Variants in TSPEAR observed in about 807,000 individuals in gnomAD.
TSPEAR encodes the protein thrombospondin type laminin G domain and EAR repeats, also known as thrombospondin-type laminin G domain and EAR repeat-containing protein.
A neutral mutation model predicts 71.6 loss-of-function variants in TSPEAR; 69 were observed. The ratio of observed to expected loss-of-function variants is 0.96; its 90% CI spans 0.79 to 1.18. The LOEUF (loss-of-function observed/expected upper bound fraction) is 1.18, where lower values mean the gene tolerates loss of function less well. TSPEAR is among the 50% of genes most tolerant of loss of function. The pLI is 0.00. For synonymous variants in TSPEAR, 402 were observed against 387.2 expected, an observed-to-expected ratio of 1.04 and a Z score of -0.45; for missense variants, 971 against 894.9, an observed-to-expected ratio of 1.09 and a Z score of -1.09.
At chr21:44,581,440 T>G (rs1978964354) in intron 1 of TSPEAR, among the ~76,000 whole-genome samples, 1 of 152,240 alleles carries the variant, frequency 6.6e-6, no homozygotes, top group African/African-American at 2.4e-5. Flanking sequence ...ATCTGTTTTC[T>G]CAAAATGATG....
chr21:44,703,811 T>C (rs1298410332), intron 1 of TSPEAR, among the ~76,000 whole-genome samples: 2 of 151,824 alleles, frequency 1.3e-5, no homozygotes, highest in Non-Finnish European at 2.9e-5. Flanking sequence ...TCCCCAAGGG[T>C]CCCACACCCA....
At chr21:44,644,030 C>T (rs587648094) in intron 1 of TSPEAR, among the ~76,000 whole-genome samples, 2 of 152,318 alleles carry the variant, frequency 1.3e-5, no homozygotes, top group East Asian at 3.9e-4. Flanking sequence ...TGGCCGTGGG[C>T]CACCCTGCCC....
chr21:44,534,029 G>A (rs1355648566), intron 2 of TSPEAR, 106 bp from the exon 3 acceptor site: 5 of 833,540 alleles, frequency 6.0e-6, no homozygotes, highest in Non-Finnish European at 9.6e-6. Context: ...GGTGAGAGGA[G>A]CAGGGGCTGA....
chr21:44,512,966 G>A (rs1042115164), intron 9 of TSPEAR, among the ~76,000 whole-genome samples: 10 of 152,220 alleles, frequency 6.6e-5, no homozygotes, highest in Non-Finnish European at 1.0e-4. Flanking sequence ...TGTACCCAGC[G>A]AGGGTCTGTG....
rs2051963672 is a variant in TSPEAR at position 44,498,040 on chromosome 21, C to G, written c.*1743G>C. ...GAGGGAGGAGGGTGTGGTCACATGA[C>G]TGATTGCTCCATGCTGCAGGAGAAA... On this transcript the variant is annotated 3_prime_UTR_variant, in exon 12 of 12. Transcript: ENST00000323084. 6.6e-6 allele frequency: 1 copy of G among 152,230 alleles called. No homozygotes were observed. The highest frequency in any genetic ancestry group is 2.4e-5 in the African/African-American group (1 of 41,450). The allele number at this position is 152,230 out of a possible 1,614,324, so 9.4% of individuals were successfully genotyped here. A position where few individuals can be genotyped will look rare whatever the true frequency, so the allele number is the denominator to read the frequency against.
In TSPEAR at chr21:44,646,549, T is replaced by C. The variant is rs182507157; in HGVS notation, c.82+64884A>G. 1,081 of 1,612,314 alleles carry C rather than the reference T, an allele frequency of 6.7e-4. 17 individuals carry two copies. In the East Asian group the frequency reaches 0.021, roughly 31 times the overall value. On this transcript the variant is annotated intron_variant, in intron 1 of 11. Coordinates refer to ENST00000323084, the MANE Select transcript of TSPEAR (RefSeq NM_144991.3). ...CCCAGAGAGCTGCTGTGAGCCCCCCTGCAGCGCCCCCAGCTGCTGCGCCCC... is the reference window on the plus strand; with the variant it reads ...CCCAGAGAGCTGCTGTGAGCCCCCCCGCAGCGCCCCCAGCTGCTGCGCCCC...
At position 44,695,470 on chromosome 21, in the gene TSPEAR, G is replaced by A. The variant is rs1555950344; in HGVS notation, c.82+15963C>T. On this transcript the variant is annotated intron_variant, in intron 1 of 11. Transcript: ENST00000323084. This position sits in a 1 kb window ranked among gnomAD's most constrained non-coding sequence, Gnocchi z 4.5. ...TCCTCCCTCCCTTGGGCCTCTCCCT[G>A]GCCATGCCCCAACCTGGCTCACACT... Among the ~76,000 whole-genome samples, 1 of 152,074 alleles carries A rather than the reference G, an allele frequency of 6.6e-6. No homozygotes were observed.
chr21:44,602,943 T>C (rs1981067219), intron 1 of TSPEAR, among the ~76,000 whole-genome samples: 1 of 152,066 alleles, frequency 6.6e-6, no homozygotes, highest in African/African-American at 2.4e-5. Context: ...AATCGCCGTC[T>C]TGGGGACCCT....
At chr21:44,652,145 G>A (rs996780514) in intron 1 of TSPEAR, among the ~76,000 whole-genome samples, 26 of 152,052 alleles carry the variant, frequency 1.7e-4, no homozygotes, top group East Asian at 9.7e-4. Context: ...CACCTCTCCC[G>A]GCTAATTTTT....
At chr21:44,586,725 G>A (rs782563425) in intron 1 of TSPEAR, among the ~76,000 whole-genome samples, 11 of 152,152 alleles carry the variant, frequency 7.2e-5, no homozygotes, top group East Asian at 5.8e-4. Context: ...ACCAGGTTTC[G>A]TACCAGGGAT....
chr21:44,530,966 A>T, intron 4 of TSPEAR, 77 bp downstream of exon 4: 4 of 1,142,278 alleles, frequency 3.5e-6, no homozygotes, highest in Non-Finnish European at 5.3e-6. Flanking sequence ...TCTGTCAACT[A>T]GAGCAGTAGG....
In TSPEAR at chr21:44,687,970, C is replaced by A. The variant is rs1986936551; in HGVS notation, c.82+23463G>T. Among the ~76,000 whole-genome samples the A allele has an allele frequency of 6.6e-6, 1 of 152,188 alleles. No individual in the cohort carries two copies. Among genetic ancestry groups the A allele is most frequent in the Non-Finnish European group, 1.5e-5 (1 of 68,026 alleles). ...GCTCGGGGGTGAGTATCCGATCAAG[C>A]ACAGTGAGTGACGTGCCAGGTGCAG... On this transcript the variant is annotated intron_variant, in intron 1 of 11. Transcript: ENST00000323084. This position sits in a 1 kb window ranked among gnomAD's most constrained non-coding sequence, Gnocchi z 4.4.
chr21:44,677,644 G>C lies in TSPEAR; in HGVS notation c.82+33789C>G, dbSNP rs367895661. The C allele has an allele frequency of 2.2e-4, 264 of 1,217,236 alleles. 2 individuals carry two copies. In the African/African-American group the frequency reaches 3.6e-3, roughly 17 times the overall value. The allele number at this position is 1,217,236 out of a possible 1,614,324, so 75.4% of individuals were successfully genotyped here. A position where few individuals can be genotyped will look rare whatever the true frequency, so the allele number is the denominator to read the frequency against. ...AAAGATTCCTCATGCTGAACCCCAG[G>C]GACCAACACTGTATCACCTGCGGTT... On this transcript the variant is annotated intron_variant, in intron 1 of 11. Transcript: ENST00000323084.
chr21:44,682,400 C>A (rs1405957574), intron 1 of TSPEAR, among the ~76,000 whole-genome samples: 4 of 152,222 alleles, frequency 2.6e-5, no homozygotes, highest in African/African-American at 9.6e-5. Flanking sequence ...GATGCACAGG[C>A]AGTTTTAGCT....
chr21:44,592,277 C>T (rs782767549), intron 1 of TSPEAR: 2 of 1,576,038 alleles, frequency 1.3e-6, no homozygotes, highest in Non-Finnish European at 1.7e-6. Context: ...TCACAGGTCA[C>T]TGGGCAGCAG....
intron 1 of TSPEAR, chr21:44,574,347 C>T: frequency 6.2e-7 from 1 of 1,608,370 alleles, no homozygotes; most frequent in South Asian, 1.1e-5. Flanking sequence ...CAGCCCCTGC[C>T]AATCAGGCTG....
Position 44,710,169 on chromosome 21 carries a change from T to C in TSPEAR, c.82+1264A>G, listed in dbSNP as rs942278487. Among the ~76,000 whole-genome samples, 3 of 152,044 alleles carry C rather than the reference T, an allele frequency of 2.0e-5. No individual in the cohort carries two copies. Among genetic ancestry groups the C allele is most frequent in the Middle Eastern group, 3.2e-3 (1 of 316 alleles). ...AGAAAGGCTGGCGCTGCGCCCTCCA[T>C]CGCGTGAAGCCAGGGGATTTTGCTC... On this transcript the variant is annotated intron_variant, in intron 1 of 11. Coordinates refer to ENST00000323084, the MANE Select transcript of TSPEAR (RefSeq NM_144991.3). This position sits in a 1 kb window ranked among gnomAD's most constrained non-coding sequence, Gnocchi z 4.6.
At chr21:44,667,944 C>A (rs1985874552) in intron 1 of TSPEAR, among the ~76,000 whole-genome samples, 1 of 152,192 alleles carries the variant, frequency 6.6e-6, no homozygotes, top group African/African-American at 2.4e-5. Context: ...ACATGAAAGA[C>A]CCACAGCAAG....
At chr21:44,527,168 G>A (rs188009659) in intron 7 of TSPEAR, 124 bp downstream of exon 7, 22 of 881,478 alleles carry the variant, frequency 2.5e-5, no homozygotes, top group Admixed American at 9.1e-5. Context: ...GCCTTTTACC[G>A]CCTGAACGAG....
Sources: allele counts gnomAD v4.1 joint callset (sites outside exome capture counted in the v4.1 genomes callset), GRCh38; gene constraint gnomAD v4.1.1; non-coding constraint Gnocchi (gnomAD v3.1); transcripts MANE v1.5; gene names NCBI Gene and HGNC (gene_info 2026-07-23, HGNC 2026-07-21).